TRPM6: variants seen among roughly 807,000 people sequenced by gnomAD.
TRPM6 encodes the protein channel kinase 2.
A neutral mutation model predicts 247.6 loss-of-function variants in TRPM6; 111 were observed. The observed-to-expected ratio is 0.45, with a 90% CI of 0.38 to 0.52. The LOEUF (loss-of-function observed/expected upper bound fraction) is 0.52. Ranked by LOEUF, TRPM6 falls within the 20% of genes least tolerant of loss-of-function variation. The pLI, the probability that TRPM6 is intolerant of heterozygous loss-of-function variation, is 0.00. For synonymous variants in TRPM6, 892 were observed against 853.8 expected (o/e 1.04, Z -0.78); for missense variants, 2,126 against 2,421.5 (o/e 0.88, Z 2.56).
At chr9:74,785,672 A>T (rs543659072) in intron 21 of TRPM6, among the ~76,000 whole-genome samples, 1 of 152,018 alleles carries the variant, frequency 6.6e-6, no homozygotes, top group African/African-American at 2.4e-5. Flanking sequence ...ACAGGTGCCC[A>T]CCACCATGCC....
intron 31 of TRPM6, among the ~76,000 whole-genome samples, chr9:74,745,931 G>T (rs1826029591): frequency 6.6e-6 from 1 of 152,182 alleles, no homozygotes. Flanking sequence ...ATCCAAGGAA[G>T]AGATTACAAC....
rs1587440337 is a variant in TRPM6 at position 74,724,306 on chromosome 9, G to A, written c.*307C>T. On this transcript the variant is annotated 3_prime_UTR_variant, in exon 39 of 39. Coordinates refer to ENST00000360774, the MANE Select transcript of TRPM6 (RefSeq NM_017662.5). ...CCCATCCTTTAATGTGCAGGATTCT[G>A]CTCCAAAGTTCCAAGTGACCAGCTA... The A allele has an allele frequency of 1.4e-5, 6 of 436,730 alleles. No individual in the cohort carries two copies. The highest frequency in any genetic ancestry group is 6.7e-5 in the South Asian group (3 of 44,786). 27.1% of individuals were successfully genotyped at this position (436,730 alleles called of 1,614,324 possible).
chr9:74,782,403 C>T lies in TRPM6; in HGVS notation c.3168G>A (p.Val1056=), dbSNP rs1427089010. ...TPFLQAVYLF[V]QYIIMVNLLI... ...ACAGGTTCACCATGATGATATATTG[C>T]ACGAAGAGGTAGACAGCTTGCAAGA... The change falls in exon 23 of 39, where the codon GTG becomes GTA. Residue 1056 remains valine (V), a synonymous_variant. Transcript: ENST00000360774. 1.9e-6 allele frequency: 3 copies of T among 1,613,810 alleles called. No homozygotes were observed. Among genetic ancestry groups the T allele is most frequent in the East Asian group, 2.2e-5 (1 of 44,876 alleles).
At chr9:74,840,762 A>G (rs990336438) in intron 4 of TRPM6, among the ~76,000 whole-genome samples, 10 of 148,142 alleles carry the variant, frequency 6.8e-5, no homozygotes, top group African/African-American at 2.5e-4. Context: ...GGTTGCAGTG[A>G]GCTGAGATCA....
At chr9:74,835,194 G>C (rs1205947758) in intron 5 of TRPM6, among the ~76,000 whole-genome samples, 1 of 152,158 alleles carries the variant, frequency 6.6e-6, no homozygotes, top group Non-Finnish European at 1.5e-5. Flanking sequence ...GTGCTGATGA[G>C]CATTTTTTCA....
chr9:74,729,166 G>C (rs1467408688), intron 37 of TRPM6, among the ~76,000 whole-genome samples: 2 of 152,118 alleles, frequency 1.3e-5, no homozygotes, highest in Non-Finnish European at 2.9e-5. Context: ...CTTTATGAAA[G>C]CTAATATTTT....
chr9:74,748,616 TAAA>T (rs1415936381), intron 30 of TRPM6, among the ~76,000 whole-genome samples: 2 of 152,144 alleles, frequency 1.3e-5, no homozygotes, highest in South Asian at 2.1e-4. Context: ...TGAAAATAAA[TAAA>T]TAATTTAAAA....
At chr9:74,879,530 T>C (rs1483093428) in intron 1 of TRPM6, among the ~76,000 whole-genome samples, 2 of 152,190 alleles carry the variant, frequency 1.3e-5, no homozygotes, top group Admixed American at 1.3e-4. Flanking sequence ...TTCTTATACC[T>C]GGCCCAATGC....
At chr9:74,773,444 A>C (rs144364159) in intron 24 of TRPM6, among the ~76,000 whole-genome samples, 3,651 of 152,328 alleles carry the variant, frequency 0.024, 76 homozygotes, top group Non-Finnish European at 0.034. Flanking sequence ...TCTCTGACAC[A>C]ATTATAAATA....
chr9:74,852,724 C>T (rs1305219553), intron 3 of TRPM6, among the ~76,000 whole-genome samples: 1 of 152,232 alleles, frequency 6.6e-6, no homozygotes, highest in Non-Finnish European at 1.5e-5. Context: ...AGCTCCTGAC[C>T]GCGAGTGATC....
chr9:74,875,195 A>C (rs1057252738), intron 1 of TRPM6: 1 of 453,026 alleles, frequency 2.2e-6, no homozygotes, highest in Non-Finnish European at 4.4e-6. Flanking sequence ...CTGATAAAAC[A>C]CTGGAATTCA....
intron 21 of TRPM6, among the ~76,000 whole-genome samples, chr9:74,785,405 G>A (rs906512603): frequency 2.0e-5 from 3 of 152,138 alleles, no homozygotes; most frequent in Admixed American, 6.6e-5. Flanking sequence ...ATTAATGCTC[G>A]AGGTGATGAA....
intron 21 of TRPM6, among the ~76,000 whole-genome samples, chr9:74,783,308 T>C (rs1827528209): frequency 6.6e-6 from 1 of 152,228 alleles, no homozygotes; most frequent in Admixed American, 6.5e-5. Context: ...ATCTACTAAA[T>C]GTACATCAAC....
intron 3 of TRPM6, among the ~76,000 whole-genome samples, chr9:74,849,185 A>G (rs924201371): frequency 6.6e-6 from 1 of 152,086 alleles, no homozygotes; most frequent in African/African-American, 2.4e-5. Context: ...CCTCATCTCT[A>G]CTAAAAATAC....
chr9:74,730,739 C>T (rs1825493206), intron 37 of TRPM6, among the ~76,000 whole-genome samples: 1 of 152,176 alleles, frequency 6.6e-6, no homozygotes, highest in Admixed American at 6.5e-5. Flanking sequence ...GTGCTTCAGA[C>T]ACGTAAGGCA....
At chr9:74,867,740 G>A (rs570466562) in intron 1 of TRPM6, among the ~76,000 whole-genome samples, 4 of 152,108 alleles carry the variant, frequency 2.6e-5, no homozygotes, top group Non-Finnish European at 4.4e-5. Flanking sequence ...TCCATAGGCA[G>A]GATACATCCT....
intron 3 of TRPM6, among the ~76,000 whole-genome samples, chr9:74,851,049 A>T (rs1830291882): frequency 6.6e-6 from 1 of 152,236 alleles, no homozygotes; most frequent in Admixed American, 6.5e-5. Flanking sequence ...ACCAACGTTC[A>T]GCTTAAGTAT....
chr9:74,839,110 C>CAA (rs1041936045), intron 5 of TRPM6, among the ~76,000 whole-genome samples: 2,987 of 62,866 alleles, frequency 0.048, 119 homozygotes, highest in African/African-American at 0.13. Context: ...GACTTCATCT[C>CAA]AAAAAAAAAA....
At chr9:74,877,905 G>A (rs911790890) in intron 1 of TRPM6, among the ~76,000 whole-genome samples, 2 of 151,926 alleles carry the variant, frequency 1.3e-5, no homozygotes, top group South Asian at 2.1e-4. Flanking sequence ...ACCACAGCCA[G>A]TGGCTACATG....
Sources: gnomAD v4.1 joint callset for allele counts (sites outside exome capture counted in the v4.1 genomes callset) on GRCh38, gnomAD v4.1.1 for gene constraint, MANE v1.5 for transcripts, NCBI Gene and HGNC (gene_info 2026-07-23, HGNC 2026-07-21) for gene names.